The following NAV2 variants were observed in gnomAD, a reference collection of about 807,000 sequenced individuals.
NAV2 encodes the protein neuron navigator 2.
Under a neutral mutation model 223.2 loss-of-function variants are expected in NAV2, and 54 were observed. That is an observed-to-expected ratio of 0.24 (90% CI 0.19 to 0.30). The LOEUF (loss-of-function observed/expected upper bound fraction) is 0.30. Among genes scored for constraint, NAV2 ranks in the 10% least tolerant of loss-of-function variants. NAV2 has a pLI of 1.00. For synonymous variants in NAV2, 1,279 were observed against 1,239.3 expected (o/e 1.03, Z -0.67); for missense variants, 2,806 against 3,147.5 (o/e 0.89, Z 2.60).
chr11:19,859,906 CCGGG>C (rs1565443243), intron 3 of NAV2, among the ~76,000 whole-genome samples: 10 of 133,088 alleles, frequency 7.5e-5, no homozygotes, highest in Admixed American at 1.5e-4. Flanking sequence ...GGGCGGCTGG[CCGGG>C]CAGAGGGGCT....
chr11:19,757,605 A>G (rs1303163623), intron 1 of NAV2, among the ~76,000 whole-genome samples: 2 of 152,152 alleles, frequency 1.3e-5, no homozygotes, highest in Non-Finnish European at 2.9e-5. Context: ...AGCATGAACT[A>G]AGAGGATTTC....
intron 6 of NAV2, among the ~76,000 whole-genome samples, chr11:19,913,589 C>T (rs1423441796): frequency 6.6e-6 from 1 of 152,122 alleles, no homozygotes; most frequent in African/African-American, 2.4e-5. Flanking sequence ...GTGCCCCTGC[C>T]CGGTTATAAG....
intron 1 of NAV2, among the ~76,000 whole-genome samples, chr11:19,445,159 A>C (rs1237438525): frequency 6.6e-6 from 1 of 152,212 alleles, no homozygotes; most frequent in Non-Finnish European, 1.5e-5. Context: ...AACATGGTGC[A>C]CAGGTGCAAA....
chr11:20,100,812 A>G, intron 31 of NAV2, 125 bp from the exon 32 acceptor site: 1 of 721,346 alleles, frequency 1.4e-6, no homozygotes, highest in Non-Finnish European at 2.4e-6. Context: ...GGTGTGCAGG[A>G]GTCTCAGGTG....
intron 3 of NAV2, among the ~76,000 whole-genome samples, chr11:19,862,117 T>A (rs181092395): frequency 6.6e-6 from 1 of 152,384 alleles, no homozygotes; most frequent in East Asian, 1.9e-4. Flanking sequence ...AATTTGAGAA[T>A]CTTGCTTTCA....
chr11:19,698,422 A>G (rs2049411452), intron 1 of NAV2, among the ~76,000 whole-genome samples: 3 of 152,214 alleles, frequency 2.0e-5, no homozygotes, highest in African/African-American at 2.4e-5. Context: ...GTGGAGAGCC[A>G]TTGAATAAAC....
intron 19 of NAV2, chr11:20,056,662 C>T: frequency 1.4e-6 from 2 of 1,382,274 alleles, no homozygotes; most frequent in Middle Eastern, 1.8e-4. Context: ...TGGAGGATAT[C>T]ATCCCCACCC....
At chr11:19,602,502 GTAT>G (rs1200749458) in intron 1 of NAV2, among the ~76,000 whole-genome samples, 10 of 152,162 alleles carry the variant, frequency 6.6e-5, no homozygotes, top group Non-Finnish European at 7.4e-5. Context: ...TGAAGGGAGA[GTAT>G]ATTAGTTTCC....
chr11:19,661,513 G>A (rs1341988893), intron 1 of NAV2, among the ~76,000 whole-genome samples: 2 of 118,314 alleles, frequency 1.7e-5, no homozygotes, highest in Admixed American at 1.0e-4. Flanking sequence ...TTGAAACTAA[G>A]GTGTAAAGGA....
At position 19,805,027 on chromosome 11, in the gene NAV2, T is replaced by C. The variant is rs2058475620; in HGVS notation, c.268-27457T>C. On this transcript the variant is annotated intron_variant, in intron 1 of 37. Transcript: ENST00000349880. ...TCAGGGCACCTGCTTAAGTGGCAGT[T>C]CTTGAAAGTCAAGTTAAGGAAGTAG... 3.9e-5 allele frequency among the ~76,000 whole-genome samples: 6 copies of C among 152,192 alleles called. 1 individual carries two copies. The highest frequency in any genetic ancestry group is 3.9e-4 in the Admixed American group (6 of 15,274).
chr11:19,714,177 T>G (rs2152318887), intron 1 of NAV2: 1 of 710,700 alleles, frequency 1.4e-6, no homozygotes, highest in Non-Finnish European at 2.5e-6. Flanking sequence ...TTAAGAGCTC[T>G]TCGAGACCTG....
intron 1 of NAV2, among the ~76,000 whole-genome samples, chr11:19,628,132 G>T (rs893518313): frequency 2.0e-5 from 3 of 152,086 alleles, no homozygotes; most frequent in African/African-American, 7.2e-5. Flanking sequence ...TCCCACTCTG[G>T]CCCCAGGGTT....
At chr11:19,473,525 C>A (rs189845721) in intron 1 of NAV2, among the ~76,000 whole-genome samples, 1 of 152,140 alleles carries the variant, frequency 6.6e-6, no homozygotes, top group Non-Finnish European at 1.5e-5. Flanking sequence ...CCTGCAAAAG[C>A]GAAATGATTT....
intron 10 of NAV2, among the ~76,000 whole-genome samples, chr11:19,982,210 A>G (rs1032389888): frequency 6.6e-6 from 1 of 151,602 alleles, no homozygotes; most frequent in Non-Finnish European, 1.5e-5. Flanking sequence ...CATGAAATTC[A>G]CCATTTTATT....
intron 3 of NAV2, among the ~76,000 whole-genome samples, chr11:19,859,135 C>CTGTTTTTT (rs2061539413): frequency 9.8e-6 from 1 of 102,056 alleles, no homozygotes; most frequent in African/African-American, 3.9e-5. Flanking sequence ...AAATCATATT[C>CTGTTTTTT]TCTTTTTTTT....
chr11:19,587,921 C>T (rs992043965), intron 1 of NAV2, among the ~76,000 whole-genome samples: 1 of 152,168 alleles, frequency 6.6e-6, no homozygotes, highest in African/African-American at 2.4e-5. Context: ...GCCTTGAGGC[C>T]ATAAAAAATT....
At chr11:19,355,693 G>A (rs1437711429) in intron 1 of NAV2, among the ~76,000 whole-genome samples, 2 of 152,106 alleles carry the variant, frequency 1.3e-5, no homozygotes, top group Non-Finnish European at 2.9e-5. Flanking sequence ...TTTCCTGGCT[G>A]GCTCCCTTGT....
intron 22 of NAV2, among the ~76,000 whole-genome samples, chr11:20,074,794 T>C (rs12787004): frequency 0.27 from 34,570 of 129,650 alleles, 5,122 homozygotes; most frequent in African/African-American, 0.4. Flanking sequence ...ATTTGCTTGG[T>C]AAATATTCCT....
In NAV2 at chr11:19,832,496, T is replaced by A. The variant is rs759458251; in HGVS notation, c.280T>A (p.Trp94Arg). 1 of 1,613,814 alleles carries A rather than the reference T, an allele frequency of 6.2e-7. No homozygotes were observed. ...NGFDTQIYTD[W>R]ANHYLAKSGH... ...GCTTTTTTTACAGATCTACACAGAC[T>A]GGGCCAATCATTACCTAGCCAAATC... The change falls in exon 2 of 38, where the codon TGG becomes AGG. Residue 94 changes from tryptophan (W) to arginine (R), a missense_variant. Trp to Arg is a moderately radical substitution (Grantham distance 101). This residue lies in a region of NAV2 where 1,167 missense variants were observed against 1,180.5 expected (regional missense o/e 0.99). Transcript: ENST00000349880.
Sources: gnomAD v4.1 joint callset for allele counts (sites outside exome capture counted in the v4.1 genomes callset) on GRCh38, gnomAD v4.1.1 for gene constraint, gnomAD v4.1.1 regional missense constraint, MANE v1.5 for transcripts, NCBI Gene and HGNC (gene_info 2026-07-23, HGNC 2026-07-21) for gene names.